EDIL3: variants seen among roughly 807,000 people sequenced by gnomAD.
The protein encoded by EDIL3 is EGF like and discoidin domains 3, also known as EGF-like repeat and discoidin I-like domain-containing protein 3.
In EDIL3, 37 loss-of-function variants were observed where a neutral mutation model predicts 67.4. That is an observed-to-expected ratio of 0.55 (90% CI 0.42 to 0.72). The LOEUF (loss-of-function observed/expected upper bound fraction) is 0.72. EDIL3 is among the 30% of genes least tolerant of loss of function. EDIL3 has a pLI of 0.00. For missense variants in EDIL3, 527 were observed against 586.3 expected (o/e 0.90, Z 1.04); for synonymous variants, 195 against 196.3 (o/e 0.99, Z 0.05).
intron 4 of EDIL3, among the ~76,000 whole-genome samples, chr5:84,144,746 T>C (rs184743573): frequency 2.0e-5 from 3 of 152,024 alleles, no homozygotes; most frequent in Non-Finnish European, 4.4e-5. Flanking sequence ...TTTCCTATTT[T>C]TATTATTATT....
chr5:84,093,711 G>A (rs1384855076), intron 6 of EDIL3, among the ~76,000 whole-genome samples: 1 of 148,140 alleles, frequency 6.8e-6, no homozygotes, highest in Non-Finnish European at 1.5e-5. Context: ...CCAGGCTGGA[G>A]TGCAGTGGCA....
intron 9 of EDIL3, among the ~76,000 whole-genome samples, chr5:83,992,745 T>G (rs1745172672): frequency 6.6e-6 from 1 of 152,104 alleles, no homozygotes. Context: ...AGACATTTTA[T>G]GTAAATCTAT....
At chr5:84,244,440 G>A (rs1486104686) in intron 2 of EDIL3, among the ~76,000 whole-genome samples, 1 of 149,222 alleles carries the variant, frequency 6.7e-6, no homozygotes, top group East Asian at 2.0e-4. Flanking sequence ...CACCACACCT[G>A]GCTATTTTTT....
At chr5:84,233,403 TGG>T (rs1336532496) in intron 2 of EDIL3, among the ~76,000 whole-genome samples, 23 of 152,308 alleles carry the variant, frequency 1.5e-4, no homozygotes, top group African/African-American at 5.3e-4. Context: ...TTTATTTCAC[TGG>T]GAAACAGCCA....
intron 9 of EDIL3, among the ~76,000 whole-genome samples, chr5:83,992,754 AT>A (rs1212672447): frequency 6.6e-6 from 1 of 152,116 alleles, no homozygotes; most frequent in Non-Finnish European, 1.5e-5. Flanking sequence ...ATGTAAATCT[AT>A]TAATTTTAAT....
chr5:84,079,407 CGTGTGCAGTAACTGGGGTTAGTGTAAGA>C (rs1561424738), intron 6 of EDIL3, among the ~76,000 whole-genome samples: 2 of 151,834 alleles, frequency 1.3e-5, no homozygotes, highest in Non-Finnish European at 2.9e-5. Flanking sequence ...TAACCTATGG[CGTGTGCAGTAACTGGGGTTAGTGTAAGA>C]GTGTGCAGTA....
intron 2 of EDIL3, among the ~76,000 whole-genome samples, chr5:84,250,706 G>C (rs1196181156): frequency 6.6e-6 from 1 of 152,162 alleles, no homozygotes; most frequent in East Asian, 1.9e-4. Context: ...GTATGTGTCT[G>C]ACTGTAGAAT....
At chr5:84,052,582 C>G (rs1197492282) in intron 9 of EDIL3, among the ~76,000 whole-genome samples, 1 of 152,060 alleles carries the variant, frequency 6.6e-6, no homozygotes, top group Non-Finnish European at 1.5e-5. Context: ...TGCAGAGACA[C>G]ACATAGGCTC....
chr5:84,329,848 G>T (rs921102518), intron 1 of EDIL3, among the ~76,000 whole-genome samples: 3 of 151,960 alleles, frequency 2.0e-5, no homozygotes, highest in African/African-American at 4.8e-5. Context: ...AAGAAGAAAG[G>T]TCTATTATCT....
At chr5:84,073,509 C>A (rs1006080652) in intron 6 of EDIL3, among the ~76,000 whole-genome samples, 12 of 152,148 alleles carry the variant, frequency 7.9e-5, no homozygotes, top group African/African-American at 2.9e-4. Context: ...TCTCAGGATA[C>A]AAAATCAATG....
At chr5:84,264,321 G>A (rs1477653461) in intron 1 of EDIL3, among the ~76,000 whole-genome samples, 1 of 152,162 alleles carries the variant, frequency 6.6e-6, no homozygotes, top group Non-Finnish European at 1.5e-5. Flanking sequence ...GAATGTGATA[G>A]GACCAGAAGT....
At chr5:84,343,492 C>G (rs1747166613) in intron 1 of EDIL3, among the ~76,000 whole-genome samples, 1 of 151,894 alleles carries the variant, frequency 6.6e-6, no homozygotes, top group South Asian at 2.1e-4. Context: ...TCTAGTTGAT[C>G]TATTGTAAGA....
rs1466419244 is a variant in EDIL3, at chr5:84,000,438, T to C, written c.1138-37078A>G. ...AGTTAAAATGTAGAGTTTTTATTAG[T>C]TTTCTCTTTACTTGTTTGTTAGATT... is the stretch of plus-strand genomic sequence containing the variant. On this transcript the variant is annotated intron_variant, in intron 9 of 10. Coordinates refer to ENST00000296591, the MANE Select transcript of EDIL3 (RefSeq NM_005711.5). 2.6e-5 allele frequency among the ~76,000 whole-genome samples: 4 copies of C among 152,190 alleles called. No homozygotes were observed. In the East Asian group the frequency reaches 7.7e-4, roughly 29 times the overall value.
intron 9 of EDIL3, among the ~76,000 whole-genome samples, chr5:83,973,282 G>C (rs745406703): frequency 2.9e-4 from 44 of 152,120 alleles, no homozygotes; most frequent in Admixed American, 7.9e-4. Context: ...TTGATTAATG[G>C]AGATTTAATA....
At chr5:84,054,123 C>T (rs4256325) in intron 9 of EDIL3, among the ~76,000 whole-genome samples, 17,222 of 152,116 alleles carry the variant, frequency 0.11, 1,464 homozygotes, top group African/African-American at 0.24. Context: ...ATCAAGTGGG[C>T]TTCATCCCTG....
At position 83,943,293 on chromosome 5, in the gene EDIL3, T is replaced by C. The variant is rs1363913022; in HGVS notation, c.*126A>G. 1 of 1,346,562 alleles carries C rather than the reference T, an allele frequency of 7.4e-7. No homozygotes were observed. The highest frequency in any genetic ancestry group is 1.0e-6 in the Non-Finnish European group (1 of 986,974). 83.4% of individuals were successfully genotyped at this position (1,346,562 alleles called of 1,614,324 possible). A position where few individuals can be genotyped will look rare whatever the true frequency, so the allele number is the denominator to read the frequency against. Reference sequence around the variant, plus strand: ...TAAAAACACCGTTAGTTGCCTACCATAATTTGAGCACTTTTTCATGAAAAA... The same window carrying C: ...TAAAAACACCGTTAGTTGCCTACCACAATTTGAGCACTTTTTCATGAAAAA... On this transcript the variant is annotated 3_prime_UTR_variant, in exon 11 of 11. Transcript: ENST00000296591.
rs538708654 is a variant in EDIL3 at position 84,018,277 on chromosome 5, G to A, written c.1137+42023C>T. On this transcript the variant is annotated intron_variant, in intron 9 of 10. Coordinates refer to ENST00000296591, the MANE Select transcript of EDIL3 (RefSeq NM_005711.5). ...CATCTGATACTTCTCTGCAACTTTT[G>A]TCTCAGCATAGTAACCACCTAATTG... Among the ~76,000 whole-genome samples, 17 of 152,228 alleles carry A rather than the reference G, an allele frequency of 1.1e-4. 1 individual carries two copies. The South Asian group carries it at 3.3e-3, about 30-fold the overall frequency.
intron 9 of EDIL3, among the ~76,000 whole-genome samples, chr5:84,052,917 AG>A (rs1746369280): frequency 6.6e-6 from 1 of 152,182 alleles, no homozygotes; most frequent in Non-Finnish European, 1.5e-5. Context: ...ACAGTTAAGA[AG>A]GATATCCAGG....
At chr5:84,381,077 C>T (rs1748066955) in intron 1 of EDIL3, among the ~76,000 whole-genome samples, 1 of 151,972 alleles carries the variant, frequency 6.6e-6, no homozygotes, top group Non-Finnish European at 1.5e-5. Context: ...AAGATTTTTG[C>T]AACTTCAAGA....
Sources: gnomAD v4.1 joint callset for allele counts (sites outside exome capture counted in the v4.1 genomes callset) on GRCh38, gnomAD v4.1.1 for gene constraint, MANE v1.5 for transcripts, NCBI Gene and HGNC (gene_info 2026-07-23, HGNC 2026-07-21) for gene names.